DUSP18: variants seen among roughly 807,000 people sequenced by gnomAD.
DUSP18 encodes the protein dual specificity phosphatase 18.
In DUSP18, 4 loss-of-function variants were observed where a neutral mutation model predicts 6.3. That is an observed-to-expected ratio of 0.63 (90% confidence interval 0.31 to 1.45). The LOEUF (loss-of-function observed/expected upper bound fraction) is 1.45. Among genes scored for constraint, DUSP18 ranks in the 40% most tolerant of loss-of-function variants. The pLI is 0.07. For missense variants in DUSP18, 235 were observed against 247.7 expected (o/e 0.95, Z 0.34); for synonymous variants, 96 against 95.1 (o/e 1.01, Z -0.05).
downstream of DUSP18, among the ~76,000 whole-genome samples, chr22:30,660,178 A>G (rs2088429034): frequency 6.6e-6 from 1 of 152,270 alleles, no homozygotes. Context: ...GTCAAGTCCA[A>G]TCAAGCTTCT....
At chr22:30,665,077 A>G (rs2088599320) in intron 1 of DUSP18, 1 of 153,454 alleles carries the variant, frequency 6.5e-6, no homozygotes, top group Non-Finnish European at 1.5e-5. Flanking sequence ...TGCCCAGAGC[A>G]TTCATTAGAC....
At chr22:30,658,332 A>C (rs910360188), downstream of DUSP18, among the ~76,000 whole-genome samples, 4 of 151,228 alleles carry the variant, frequency 2.6e-5, no homozygotes, top group Non-Finnish European at 4.4e-5. Context: ...TGAGGCCAGG[A>C]GTTTGAGACC....
rs149449436 is a variant in DUSP18, at chr22:30,663,557, C to T, written c.447G>A (p.Glu149=). The change falls in exon 2 of 2, where the codon GAG becomes GAA. Residue 149 remains glutamate, a synonymous_variant. Coordinates refer to ENST00000334679, the MANE Select transcript of DUSP18 (RefSeq NM_152511.5). ...ATTGGAACTCATAGTGGATGAGCTGCTCCCAAAAGCCGCTGTTGGGTCGGA... is the reference window on the plus strand; with the variant it reads ...ATTGGAACTCATAGTGGATGAGCTGTTCCCAAAAGCCGCTGTTGGGTCGGA... ...PIIRPNSGFW[E]QLIHYEFQLF... is the part of the protein sequence containing the mutation. 8 of 1,614,240 alleles carry T rather than the reference C, an allele frequency of 5.0e-6. No individual in the cohort carries two copies. The highest frequency in any genetic ancestry group is 6.8e-6 in the Non-Finnish European group (8 of 1,180,038).
At chr22:30,664,491 T>G (rs2088582058) in intron 1 of DUSP18, among the ~76,000 whole-genome samples, 1 of 152,184 alleles carries the variant, frequency 6.6e-6, no homozygotes, top group Non-Finnish European at 1.5e-5. Flanking sequence ...CTCTTCCAAA[T>G]TCTCTCCTTC....
At chr22:30,654,628 G>T in intron 2 of DUSP18, 1 of 458,464 alleles carries the variant, frequency 2.2e-6, no homozygotes, top group Non-Finnish European at 4.3e-6. Context: ...GCCTCGGGAA[G>T]GGTTGCTGTT....
downstream of DUSP18, among the ~76,000 whole-genome samples, chr22:30,658,814 T>C (rs1476061142): frequency 1.3e-5 from 2 of 152,046 alleles, no homozygotes; most frequent in African/African-American, 4.8e-5. Context: ...GGGCATAAGC[T>C]TAGGACTGTT....
At chr22:30,655,518 T>A (rs978452609) in intron 2 of DUSP18, among the ~76,000 whole-genome samples, 1 of 151,930 alleles carries the variant, frequency 6.6e-6, no homozygotes, top group Non-Finnish European at 1.5e-5. Flanking sequence ...TTTTTTTTTT[T>A]CTTCCAGGAA....
chr22:30,653,191 C>G (rs1033833950), intron 2 of DUSP18, among the ~76,000 whole-genome samples: 3 of 152,158 alleles, frequency 2.0e-5, no homozygotes, highest in Non-Finnish European at 2.9e-5. Context: ...AAGGCCTGGG[C>G]TCCCTGGCCT....
At chr22:30,653,403 G>T (rs138160194) in intron 2 of DUSP18, among the ~76,000 whole-genome samples, 1,466 of 145,148 alleles carry the variant, frequency 0.01, 13 homozygotes, top group South Asian at 0.031. Flanking sequence ...ACAGAGTCTT[G>T]CTCTGTCACC....
chr22:30,655,459 A>C (rs2088320892), intron 2 of DUSP18, among the ~76,000 whole-genome samples: 1 of 151,614 alleles, frequency 6.6e-6, no homozygotes, highest in African/African-American at 2.4e-5. Flanking sequence ...GAAAAAGAAA[A>C]AAAGAAGCCA....
chr22:30,659,435 A>G (rs1329607865), downstream of DUSP18, among the ~76,000 whole-genome samples: 1 of 152,006 alleles, frequency 6.6e-6, no homozygotes, highest in Non-Finnish European at 1.5e-5. Flanking sequence ...GTTCAATAGC[A>G]TGATCTTGGC....
chr22:30,666,909 C>T (rs1194057041), intron 1 of DUSP18: 2 of 152,138 alleles, frequency 1.3e-5, no homozygotes, highest in Admixed American at 1.3e-4. Flanking sequence ...ATTTTTCTCG[C>T]TTCTGATAGG....
intron 2 of DUSP18, among the ~76,000 whole-genome samples, chr22:30,652,537 C>T (rs529347359): frequency 3.9e-4 from 59 of 152,302 alleles, no homozygotes; most frequent in Non-Finnish European, 7.2e-4. Context: ...AGCCTATGCC[C>T]AGGAATGAAT....
At chr22:30,660,656 T>C (rs945642663), downstream of DUSP18, among the ~76,000 whole-genome samples, 4 of 152,308 alleles carry the variant, frequency 2.6e-5, no homozygotes, top group Non-Finnish European at 4.4e-5. Flanking sequence ...CTGTGAACTC[T>C]GATAAGGATA....
At position 30,663,972 on chromosome 22, in the gene DUSP18, T is replaced by C. The variant is rs2088566115; in HGVS notation, c.32A>G (p.Gln11Arg). MTAPSCAFPV[Q>R]FRQPSVSGLS... ...GCCGCTGACTGAGGGCTGCCGGAAC[T>C]GAACTGGGAAGGCACACGAGGGTGC... The change falls in exon 2 of 2, where the codon CAG becomes CGG. Residue 11 changes from glutamine (Q) to arginine (R), a missense_variant. Gln to Arg is a conservative substitution (Grantham distance 43, BLOSUM62 1). Coordinates refer to ENST00000334679, the MANE Select transcript of DUSP18 (RefSeq NM_152511.5). 2.5e-6 allele frequency: 4 copies of C among 1,614,014 alleles called. No homozygotes were observed. Among genetic ancestry groups the C allele is most frequent in the Non-Finnish European group, 3.4e-6 (4 of 1,179,894 alleles).
At chr22:30,658,436 C>G (rs1247418129), downstream of DUSP18, among the ~76,000 whole-genome samples, 1 of 151,362 alleles carries the variant, frequency 6.6e-6, no homozygotes, top group Non-Finnish European at 1.5e-5. Flanking sequence ...CAGAAAAGCA[C>G]CTAAAACTCT....
At chr22:30,660,495 A>C (rs1428098175), downstream of DUSP18, among the ~76,000 whole-genome samples, 1 of 152,198 alleles carries the variant, frequency 6.6e-6, no homozygotes, top group Admixed American at 6.6e-5. Flanking sequence ...TTAAAAAATG[A>C]ATAGTCTCAG....
chr22:30,666,516 G>GGA (rs763953860), intron 1 of DUSP18, among the ~76,000 whole-genome samples: 10 of 151,294 alleles, frequency 6.6e-5, no homozygotes, highest in Non-Finnish European at 1.5e-4. Context: ...CAGCTACTCA[G>GGA]GAGGCTGAGA....
downstream of DUSP18, among the ~76,000 whole-genome samples, chr22:30,660,232 C>A (rs1296442154): frequency 6.6e-6 from 1 of 152,158 alleles, no homozygotes; most frequent in African/African-American, 2.4e-5. Flanking sequence ...TTGTTTTAAG[C>A]CACTAAGTTT....
Sources: allele counts gnomAD v4.1 joint callset (sites outside exome capture counted in the v4.1 genomes callset), GRCh38; gene constraint gnomAD v4.1.1; transcripts MANE v1.5; gene names NCBI Gene and HGNC (gene_info 2026-07-23, HGNC 2026-07-21).